The following GABRA3 variants were observed in gnomAD, a reference collection of about 807,000 sequenced individuals.
GABRA3 encodes the protein gamma-aminobutyric acid receptor subunit alpha-3.
A neutral mutation model predicts 30.1 loss-of-function variants in GABRA3; 10 were observed. The ratio of observed to expected loss-of-function variants is 0.33; its 90% CI spans 0.20 to 0.56. The LOEUF is 0.56. GABRA3 is among the 20% of genes least tolerant of loss of function. The pLI, the probability that GABRA3 is intolerant of heterozygous loss-of-function variation, is 0.89. For missense variants in GABRA3, 233 were observed against 392.0 expected (o/e 0.59, Z 3.42); for synonymous variants, 151 against 146.8 (o/e 1.03, Z -0.21).
rs185243236 is a variant in GABRA3 at position 152,272,698 on chromosome X, G to A, written c.330+11970C>T. ...TGTGTCTCCATCCGAATCTCATTTTGAATTGTAGTTTCCATAATCCCCACG... is the reference window on the plus strand; with the variant it reads ...TGTGTCTCCATCCGAATCTCATTTTAAATTGTAGTTTCCATAATCCCCACG... On this transcript the variant is annotated intron_variant, in intron 4 of 9. Coordinates refer to ENST00000370314, the MANE Select transcript of GABRA3 (RefSeq NM_000808.4). Among the ~76,000 whole-genome samples the A allele has an allele frequency of 2.6e-3, 293 of 111,856 alleles. 2 individuals are homozygous for A. Among genetic ancestry groups the A allele is most frequent in the African/African-American group, 9.2e-3 (282 of 30,766 alleles).
chrX:152,336,275 G>T (rs1940233451), intron 3 of GABRA3, among the ~76,000 whole-genome samples: 1 of 111,052 alleles, frequency 9.0e-6, no homozygotes, highest in African/African-American at 3.3e-5. Context: ...CACAGCCAAT[G>T]ACCAAGTTAA....
chrX:152,237,283 T>G (rs1201827731), intron 5 of GABRA3, among the ~76,000 whole-genome samples: 1 of 110,253 alleles, frequency 9.1e-6, no homozygotes, highest in Non-Finnish European at 1.9e-5. Flanking sequence ...TTTTCTCAGG[T>G]TTGTCAAAGA....
At chrX:152,362,296 C>A (rs894862092) in intron 2 of GABRA3, among the ~76,000 whole-genome samples, 47 of 109,918 alleles carry the variant, frequency 4.3e-4, no homozygotes, top group African/African-American at 1.3e-3. Flanking sequence ...AATAAAATAC[C>A]TTGGGTAATA....
chrX:152,212,356 T>C (rs963358874), intron 6 of GABRA3, among the ~76,000 whole-genome samples: 1 of 58,454 alleles, frequency 1.7e-5, no homozygotes, highest in Non-Finnish European at 3.3e-5. Flanking sequence ...CCCTAAGAAC[T>C]AAGGGTTTTT....
chrX:152,224,520 G>A (rs1172853645), intron 6 of GABRA3, among the ~76,000 whole-genome samples: 2 of 111,793 alleles, frequency 1.8e-5, no homozygotes, highest in Non-Finnish European at 3.8e-5. Context: ...TAATGACAGA[G>A]AAATTAGTCT....
intron 9 of GABRA3, among the ~76,000 whole-genome samples, chrX:152,183,683 G>A (rs899834679): frequency 9.0e-6 from 1 of 111,169 alleles, no homozygotes; most frequent in Non-Finnish European, 1.9e-5. Flanking sequence ...TGATGTAGGT[G>A]TTTATTGCTA....
At chrX:152,301,161 T>C (rs1315259146) in intron 3 of GABRA3, among the ~76,000 whole-genome samples, 2 of 111,859 alleles carry the variant, frequency 1.8e-5, no homozygotes, top group Non-Finnish European at 1.9e-5. Flanking sequence ...GGAGCAATAA[T>C]TGGAGACTGA....
intron 6 of GABRA3, among the ~76,000 whole-genome samples, chrX:152,208,967 G>C (rs905104822): frequency 2.7e-5 from 3 of 111,899 alleles, no homozygotes; most frequent in Non-Finnish European, 3.8e-5. Flanking sequence ...ATAAGTAAAT[G>C]AGGCTAATTA....
At chrX:152,365,155 G>A (rs73626638) in intron 1 of GABRA3, among the ~76,000 whole-genome samples, 26,899 of 110,514 alleles carry the variant, frequency 0.24, 3,379 homozygotes, top group African/African-American at 0.5. Flanking sequence ...TTGATTCTCA[G>A]CTTCATAGAG....
Position 152,384,754 on chromosome X carries a change from G to C in GABRA3, c.-26-20158C>G, listed in dbSNP as rs144166779. Among the ~76,000 whole-genome samples the C allele has an allele frequency of 7.3e-3, 820 of 112,033 alleles. 6 individuals are homozygous for C. The highest frequency in any genetic ancestry group is 0.024 in the South Asian group (65 of 2,737). On this transcript the variant is annotated intron_variant, in intron 1 of 9. Coordinates refer to ENST00000370314, the MANE Select transcript of GABRA3 (RefSeq NM_000808.4). ...TATAAAGGAAGCAACTGTTAAAACA[G>C]ACTACATTAAAATTCAGATCTCTGT...
At chrX:152,295,041 T>C (rs1939500857) in intron 3 of GABRA3, among the ~76,000 whole-genome samples, 1 of 111,209 alleles carries the variant, frequency 9.0e-6, no homozygotes, top group African/African-American at 3.3e-5. Flanking sequence ...ACAGCGAATA[T>C]TGCTGCCTGA....
intron 5 of GABRA3, among the ~76,000 whole-genome samples, chrX:152,225,777 C>T (rs5970231): frequency 0.1 from 11,301 of 109,016 alleles, 1,208 homozygotes; most frequent in East Asian, 0.33. Context: ...CTAAGAGTAG[C>T]TTGGAAGCTA....
chrX:152,427,258 CT>C (rs1270079401), intron 1 of GABRA3, among the ~76,000 whole-genome samples: 2 of 111,718 alleles, frequency 1.8e-5, no homozygotes, highest in Non-Finnish European at 3.8e-5. Context: ...TTAATGACTC[CT>C]CTATGACCTT....
intron 1 of GABRA3, among the ~76,000 whole-genome samples, chrX:152,439,485 G>A (rs753069088): frequency 9.0e-6 from 1 of 111,330 alleles, no homozygotes; most frequent in Non-Finnish European, 1.9e-5. Flanking sequence ...GAGCAGCTGA[G>A]ACTCTTACAC....
chrX:152,423,878 T>C (rs1930443669), intron 1 of GABRA3, among the ~76,000 whole-genome samples: 1 of 111,352 alleles, frequency 9.0e-6, no homozygotes, highest in African/African-American at 3.3e-5. Flanking sequence ...TAATATTACA[T>C]TTGGATATTA....
At chrX:152,178,658 CT>C (rs1368700889) in intron 9 of GABRA3, among the ~76,000 whole-genome samples, 2 of 111,613 alleles carry the variant, frequency 1.8e-5, no homozygotes, top group Admixed American at 9.5e-5. Context: ...TAATTTTCTT[CT>C]TTTTAAATGT....
intron 1 of GABRA3, among the ~76,000 whole-genome samples, chrX:152,390,752 C>T (rs182118056): frequency 4.5e-5 from 5 of 110,748 alleles, no homozygotes; most frequent in East Asian, 2.8e-4. Context: ...AGTATAATAA[C>T]GATGATAACG....
intron 1 of GABRA3, among the ~76,000 whole-genome samples, chrX:152,419,203 A>T (rs2124536701): frequency 9.0e-6 from 1 of 111,449 alleles, no homozygotes; most frequent in South Asian, 3.8e-4. Flanking sequence ...ATGACGAGTT[A>T]CTGGGTTCTG....
At chrX:152,376,510 T>C (rs1158234410) in intron 1 of GABRA3, among the ~76,000 whole-genome samples, 1 of 111,228 alleles carries the variant, frequency 9.0e-6, no homozygotes, top group East Asian at 2.8e-4. Flanking sequence ...CATGAACTTT[T>C]TTCCTTTCCA....
Sources: gnomAD v4.1 joint callset for allele counts (sites outside exome capture counted in the v4.1 genomes callset) on GRCh38, gnomAD v4.1.1 for gene constraint, MANE v1.5 for transcripts, NCBI Gene and HGNC (gene_info 2026-07-23, HGNC 2026-07-21) for gene names.